Variants in SCHIP1 observed in about 807,000 individuals in gnomAD.
The protein encoded by SCHIP1 is schwannomin-interacting protein 1.
In SCHIP1, 8 loss-of-function variants were observed where a neutral mutation model predicts 29.7. That is an observed-to-expected ratio of 0.27 (90% CI 0.16 to 0.49). The LOEUF (loss-of-function observed/expected upper bound fraction) is 0.49. SCHIP1 is among the 20% of genes least tolerant of loss of function. The pLI, the probability that SCHIP1 is intolerant of heterozygous loss-of-function variation, is 0.99. For missense variants in SCHIP1, 193 were observed against 294.6 expected, an observed-to-expected ratio of 0.66 and a Z score of 2.52; for synonymous variants, 76 against 94.9, an observed-to-expected ratio of 0.80 and a Z score of 1.16.
chr3:159,556,816 C>A, the SCHIP1 span, among the ~76,000 whole-genome samples: 1 of 148,804 alleles, frequency 6.7e-6, no homozygotes, highest in Non-Finnish European at 1.5e-5. Flanking sequence ...ATACCTAATG[C>A]TAAATGACGA....
chr3:159,718,359 A>G, the SCHIP1 span, among the ~76,000 whole-genome samples: 2 of 152,178 alleles, frequency 1.3e-5, no homozygotes, highest in African/African-American at 4.8e-5. Context: ...CCTATTCAAC[A>G]TAGTGTTGGA....
chr3:159,540,946 C>A, the SCHIP1 span, among the ~76,000 whole-genome samples: 1 of 152,008 alleles, frequency 6.6e-6, no homozygotes, highest in Non-Finnish European at 1.5e-5. Context: ...TGTGTGTTCT[C>A]CTTTAATAAC....
At chr3:159,334,461 T>A in the SCHIP1 span, among the ~76,000 whole-genome samples, 1 of 152,198 alleles carries the variant, frequency 6.6e-6, no homozygotes, top group East Asian at 1.9e-4. Flanking sequence ...CTATTATTAT[T>A]TTGGTATACA....
chr3:159,366,206 A>G, the SCHIP1 span, among the ~76,000 whole-genome samples: 1 of 152,066 alleles, frequency 6.6e-6, no homozygotes, highest in Admixed American at 6.6e-5. Context: ...GAGGCGCCAC[A>G]CACTTTTAAA....
At chr3:159,603,436 A>G in the SCHIP1 span, among the ~76,000 whole-genome samples, 2 of 151,954 alleles carry the variant, frequency 1.3e-5, no homozygotes, top group African/African-American at 4.8e-5. Context: ...GTGAGGCTGA[A>G]AGTCCCAACT....
the SCHIP1 span, among the ~76,000 whole-genome samples, chr3:159,605,898 G>GT: frequency 6.6e-6 from 1 of 152,058 alleles, no homozygotes; most frequent in Admixed American, 6.6e-5. Flanking sequence ...AACAATAAGA[G>GT]TAATTCCACC....
the SCHIP1 span, among the ~76,000 whole-genome samples, chr3:159,296,527 A>T: frequency 6.6e-6 from 1 of 152,134 alleles, no homozygotes; most frequent in African/African-American, 2.4e-5. Flanking sequence ...TAATTCCAGC[A>T]TTTTGGGAGG....
intron 1 of SCHIP1, among the ~76,000 whole-genome samples, chr3:159,856,187 T>C (rs1393244189): frequency 1.3e-5 from 2 of 152,130 alleles, no homozygotes; most frequent in Non-Finnish European, 2.9e-5. Context: ...TCTAAGTCAG[T>C]GTCCTCATCC....
the SCHIP1 span, among the ~76,000 whole-genome samples, chr3:159,451,951 C>T: frequency 6.6e-6 from 1 of 152,014 alleles, no homozygotes; most frequent in Admixed American, 6.6e-5. Context: ...ATACTCTTTC[C>T]TTTTCCAGAA....
the SCHIP1 span, among the ~76,000 whole-genome samples, chr3:159,462,991 A>T: frequency 6.6e-6 from 1 of 152,078 alleles, no homozygotes. Flanking sequence ...TTAAAATGAC[A>T]TATATGTGTA....
chr3:159,837,568 C>T (rs545663514), upstream of SCHIP1, among the ~76,000 whole-genome samples: 4 of 152,122 alleles, frequency 2.6e-5, no homozygotes, highest in East Asian at 7.7e-4. Context: ...ACTAAAAATA[C>T]AAAAATTAGC....
chr3:159,829,653 C>T, the SCHIP1 span, among the ~76,000 whole-genome samples: 3 of 152,294 alleles, frequency 2.0e-5, no homozygotes, highest in Non-Finnish European at 2.9e-5. Flanking sequence ...TCAAAATCAA[C>T]GAACTTATAA....
At chr3:159,685,296 A>T in the SCHIP1 span, among the ~76,000 whole-genome samples, 1 of 152,212 alleles carries the variant, frequency 6.6e-6, no homozygotes, top group African/African-American at 2.4e-5. Context: ...TACATTCATT[A>T]CAGAAAACAT....
chr3:159,642,144 CATTT>C, the SCHIP1 span, among the ~76,000 whole-genome samples: 3 of 152,100 alleles, frequency 2.0e-5, no homozygotes, highest in African/African-American at 4.8e-5. Flanking sequence ...ATTACCTCAA[CATTT>C]ATTAGGAGGA....
intron 1 of SCHIP1, among the ~76,000 whole-genome samples, chr3:159,862,569 C>T (rs1714173669): frequency 6.6e-6 from 1 of 152,202 alleles, no homozygotes; most frequent in Non-Finnish European, 1.5e-5. Flanking sequence ...AAGCCACTGA[C>T]AGCATGACAG....
chr3:159,289,381 A>G, the SCHIP1 span, among the ~76,000 whole-genome samples: 1 of 151,396 alleles, frequency 6.6e-6, no homozygotes, highest in Non-Finnish European at 1.5e-5. Flanking sequence ...ACACCAGCCT[A>G]TAAGTTCATC....
At chr3:159,623,161 C>T in the SCHIP1 span, among the ~76,000 whole-genome samples, 1 of 151,966 alleles carries the variant, frequency 6.6e-6, no homozygotes, top group African/African-American at 2.4e-5. Context: ...ATCAAGTAGG[C>T]ATAAGTGTTT....
the SCHIP1 span, among the ~76,000 whole-genome samples, chr3:159,501,835 G>A: frequency 1.3e-5 from 2 of 152,032 alleles, no homozygotes; most frequent in Non-Finnish European, 2.9e-5. Context: ...TGATTATTTG[G>A]TTCTCATACA....
intron 2 of SCHIP1, among the ~76,000 whole-genome samples, chr3:159,877,544 C>T (rs528320633): frequency 6.6e-6 from 1 of 152,198 alleles, no homozygotes; most frequent in Non-Finnish European, 1.5e-5. Context: ...CAAAATGTTT[C>T]TAAACATGAA....
Sources: gnomAD v4.1 joint callset for allele counts (sites outside exome capture counted in the v4.1 genomes callset) on GRCh38, gnomAD v4.1.1 for gene constraint, MANE v1.5 for transcripts, NCBI Gene and HGNC (gene_info 2026-07-23, HGNC 2026-07-21) for gene names.